The following TTC39B variants were observed in gnomAD, a reference collection of about 807,000 sequenced individuals.
TTC39B encodes the protein tetratricopeptide repeat domain 39B, also known as tetratricopeptide repeat protein 39B.
Under a neutral mutation model 96.6 loss-of-function variants are expected in TTC39B, and 92 were observed. That is an observed-to-expected ratio of 0.95 (90% CI 0.80 to 1.13). TTC39B has a LOEUF of 1.13. TTC39B is among the 50% of genes most tolerant of loss of function. The probability of loss-of-function intolerance (pLI) is 0.00; values close to 1 mark genes in which losing one functional copy is unlikely to be tolerated. For synonymous variants in TTC39B, 367 were observed against 299.4 expected (o/e 1.23, Z -2.33); for missense variants, 955 against 809.3 (o/e 1.18, Z -2.18).
At chr9:15,225,935 C>A in exon 3 of TTC39B, 2 of 1,613,914 alleles carry the variant, frequency 1.2e-6, no homozygotes, top group South Asian at 1.1e-5. Flanking sequence ...AGTAGACGCT[C>A]CGCGCTGTCT....
At position 15,306,126 on chromosome 9, in the gene TTC39B, T is replaced by C. The variant is rs932426204; in HGVS notation, c.240+958A>G. On this transcript the variant is annotated intron_variant, in intron 1 of 19. Coordinates refer to ENST00000512701, the Ensembl canonical transcript of TTC39B. The surrounding 1 kb of genome is among the most constrained non-coding windows in gnomAD (Gnocchi z 5.1). ...CTCCAGATCGTCCACTATTGCATCATTTGAAACCAAAGCCTTCTAAAGGCA... is the reference window on the plus strand; with the variant it reads ...CTCCAGATCGTCCACTATTGCATCACTTGAAACCAAAGCCTTCTAAAGGCA... Among the ~76,000 whole-genome samples, 3 of 152,184 alleles carry C rather than the reference T, an allele frequency of 2.0e-5. No individual in the cohort carries two copies. The highest frequency in any genetic ancestry group is 2.9e-5 in the Non-Finnish European group (2 of 68,030).
intron 6 of TTC39B, among the ~76,000 whole-genome samples, chr9:15,205,675 T>C (rs1214513910): frequency 6.6e-6 from 1 of 152,220 alleles, no homozygotes; most frequent in African/African-American, 2.4e-5. Flanking sequence ...AACTTATTTT[T>C]ACCCAGTCAC....
At chr9:15,210,158 C>T in exon 6 of TTC39B, 1 of 1,592,118 alleles carries the variant, frequency 6.3e-7, no homozygotes, top group South Asian at 1.1e-5. Context: ...TGTATTTTTT[C>T]CTGTATCTAC....
intron 18 of TTC39B, among the ~76,000 whole-genome samples, chr9:15,176,640 A>T (rs900156977): frequency 6.6e-6 from 1 of 152,180 alleles, no homozygotes; most frequent in Non-Finnish European, 1.5e-5. Flanking sequence ...ATTTTACATA[A>T]TATCCAGATT....
chr9:15,212,291 A>G (rs1305696629), intron 4 of TTC39B, among the ~76,000 whole-genome samples: 1 of 152,168 alleles, frequency 6.6e-6, no homozygotes, highest in Non-Finnish European at 1.5e-5. Context: ...ATCTGTTCAA[A>G]AGAACCACAA....
At chr9:15,287,901 GC>G (rs1299970580) in intron 1 of TTC39B, among the ~76,000 whole-genome samples, 1 of 142,550 alleles carries the variant, frequency 7.0e-6, no homozygotes, top group Admixed American at 7.4e-5. Context: ...AGCCGATATG[GC>G]GCCACTGCAC....
At chr9:15,297,852 C>T (rs953076804) in intron 1 of TTC39B, among the ~76,000 whole-genome samples, 1 of 152,116 alleles carries the variant, frequency 6.6e-6, no homozygotes, top group African/African-American at 2.4e-5. Flanking sequence ...AGTCTCTGAA[C>T]GGCCCTTCTT....
chr9:15,217,056 G>C (rs1002100796), intron 3 of TTC39B, among the ~76,000 whole-genome samples: 29 of 152,262 alleles, frequency 1.9e-4, no homozygotes, highest in African/African-American at 6.3e-4. Flanking sequence ...TCTAGGTTGA[G>C]GGCAGAGGGG....
chr9:15,168,295 G>C (rs1817564554), exon 20 of TTC39B: 1 of 151,862 alleles, frequency 6.6e-6, no homozygotes, highest in South Asian at 2.1e-4. Flanking sequence ...AATTTTCTAA[G>C]ATCCATTCCA....
chr9:15,179,808 A>G (rs957891140), intron 17 of TTC39B, among the ~76,000 whole-genome samples: 6 of 152,194 alleles, frequency 3.9e-5, no homozygotes, highest in African/African-American at 1.4e-4. Flanking sequence ...CATCATGGGA[A>G]GTTAAAATAC....
At chr9:15,182,173 A>G in intron 17 of TTC39B, 134 bp downstream of exon 17, 1 of 539,798 alleles carries the variant, frequency 1.9e-6, no homozygotes, top group Non-Finnish European at 3.2e-6. Context: ...GCAATCACCC[A>G]GACCCCTGCA....
At chr9:15,246,444 A>T (rs1822281851) in intron 2 of TTC39B, among the ~76,000 whole-genome samples, 1 of 152,128 alleles carries the variant, frequency 6.6e-6, no homozygotes, top group Non-Finnish European at 1.5e-5. Flanking sequence ...AGAGAGAAGG[A>T]CAGAGACCAA....
intron 1 of TTC39B, among the ~76,000 whole-genome samples, chr9:15,291,956 GA>G (rs1824204689): frequency 6.6e-6 from 1 of 152,196 alleles, no homozygotes; most frequent in Non-Finnish European, 1.5e-5. Context: ...AATCAAATGG[GA>G]ATTCTAATGC....
At chr9:15,264,853 A>T (rs866420477) in intron 2 of TTC39B, among the ~76,000 whole-genome samples, 10 of 152,060 alleles carry the variant, frequency 6.6e-5, no homozygotes, top group African/African-American at 2.4e-4. Flanking sequence ...AATCAAAAGC[A>T]TCTCCATCAC....
chr9:15,177,833 CAAAGA>C lies in TTC39B; in HGVS notation c.1724-24_1724-20del. ...TTAAAATCTTAAAACAAAAAACATA[CAAAGA>C]AAACACACAAAGAAAAATACTTTTT... On this transcript the variant is annotated intron_variant, in intron 17 of 19. Transcript: ENST00000512701. 3 of 1,248,656 alleles carry C rather than the reference CAAAGA, an allele frequency of 2.4e-6. No homozygotes were observed. In the African/African-American group the frequency reaches 4.9e-5, roughly 20 times the overall value. The allele number at this position is 1,248,656 out of a possible 1,614,324, so 77.3% of individuals were successfully genotyped here.
intron 2 of TTC39B, among the ~76,000 whole-genome samples, chr9:15,257,886 C>T (rs1822812244): frequency 6.6e-6 from 1 of 151,464 alleles, no homozygotes; most frequent in Non-Finnish European, 1.5e-5. Context: ...ATGGAGAAAC[C>T]CCGTCTCTAC....
intron 1 of TTC39B, among the ~76,000 whole-genome samples, chr9:15,278,694 C>A (rs924529601): frequency 6.6e-6 from 1 of 152,162 alleles, no homozygotes; most frequent in African/African-American, 2.4e-5. Context: ...TTAAAAGGAA[C>A]AGAACTTTAC....
At chr9:15,195,728 C>A (rs1484709981) in intron 8 of TTC39B, among the ~76,000 whole-genome samples, 1 of 149,642 alleles carries the variant, frequency 6.7e-6, no homozygotes, top group Non-Finnish European at 1.5e-5. Context: ...TATGTAGAAG[C>A]TGTAGCAAGT....
chr9:15,279,898 T>C (rs960466847), intron 1 of TTC39B, among the ~76,000 whole-genome samples: 77 of 142,396 alleles, frequency 5.4e-4, no homozygotes, highest in Non-Finnish European at 8.4e-4. Flanking sequence ...TTTTCTTTTT[T>C]TTTTTTTTTT....
Sources: gnomAD v4.1 joint callset for allele counts (sites outside exome capture counted in the v4.1 genomes callset) on GRCh38, gnomAD v4.1.1 for gene constraint, Gnocchi (gnomAD v3.1) non-coding constraint, MANE v1.5 for transcripts, NCBI Gene and HGNC (gene_info 2026-07-23, HGNC 2026-07-21) for gene names.